Variants in DNAAF11 observed in about 807,000 individuals in gnomAD.
The protein encoded by DNAAF11 is leucine rich repeat containing 6.
A neutral mutation model predicts 60.8 loss-of-function variants in DNAAF11; 45 were observed. That is an observed-to-expected ratio of 0.74 (90% CI 0.58 to 0.95). DNAAF11 has a LOEUF of 0.95. Ranked by LOEUF, DNAAF11 falls within the 40% of genes least tolerant of loss-of-function variation. The pLI, the probability that DNAAF11 is intolerant of heterozygous loss-of-function variation, is 0.00. For synonymous variants in DNAAF11, 191 were observed against 183.5 expected, an observed-to-expected ratio of 1.04 and a Z score of -0.33; for missense variants, 546 against 546.2, an observed-to-expected ratio of 1.00 and a Z score of 0.00.
At chr8:132,687,513 C>T in the DNAAF11 span, 2 of 427,986 alleles carry the variant, frequency 4.7e-6, no homozygotes, top group Non-Finnish European at 9.4e-6. Flanking sequence ...TGCCTCATCT[C>T]ATCGCTTCAG....
At chr8:132,692,671 C>T in the DNAAF11 span, among the ~76,000 whole-genome samples, 7 of 152,192 alleles carry the variant, frequency 4.6e-5, no homozygotes, top group Admixed American at 4.6e-4. Flanking sequence ...AACCCTTGAA[C>T]CACTTCTTCA....
At chr8:132,633,621 T>C (rs535824016) in intron 4 of DNAAF11, among the ~76,000 whole-genome samples, 13 of 152,288 alleles carry the variant, frequency 8.5e-5, no homozygotes, top group African/African-American at 2.9e-4. Flanking sequence ...AGAATGTCCA[T>C]GTTCTAATCT....
At chr8:132,630,924 GAT>G (rs996688959) in intron 5 of DNAAF11, among the ~76,000 whole-genome samples, 3 of 151,980 alleles carry the variant, frequency 2.0e-5, no homozygotes, top group Non-Finnish European at 2.9e-5. Flanking sequence ...GTATATTGTT[GAT>G]ATATGAGTAT....
intron 1 of DNAAF11, among the ~76,000 whole-genome samples, chr8:132,665,258 T>C (rs1401563468): frequency 6.6e-6 from 1 of 151,944 alleles, no homozygotes; most frequent in Non-Finnish European, 1.5e-5. Flanking sequence ...AAGAAATGTG[T>C]AAAGATATCT....
chr8:132,603,826 A>G (rs1345509006), intron 10 of DNAAF11, among the ~76,000 whole-genome samples: 1 of 152,084 alleles, frequency 6.6e-6, no homozygotes, highest in African/African-American at 2.4e-5. Context: ...ACATTCAAAG[A>G]AAAAGTATAG....
At chr8:132,682,411 T>A in the DNAAF11 span, among the ~76,000 whole-genome samples, 1 of 152,148 alleles carries the variant, frequency 6.6e-6, no homozygotes, top group African/African-American at 2.4e-5. Context: ...ATTTCATCCA[T>A]CAGCTTAATA....
chr8:132,668,400 C>T (rs1351220031), intron 1 of DNAAF11, among the ~76,000 whole-genome samples: 2 of 151,866 alleles, frequency 1.3e-5, no homozygotes, highest in African/African-American at 4.8e-5. Context: ...ATCGGTGCTA[C>T]TGAGAAAAAG....
intron 3 of DNAAF11, 140 bp from the exon 4 acceptor site, chr8:132,638,247 G>T: frequency 1.6e-6 from 1 of 622,700 alleles, no homozygotes; most frequent in African/African-American, 1.8e-5. Context: ...ACCATGAAGT[G>T]ATTCTTCAGA....
chr8:132,659,932 C>T (rs112475618), intron 2 of DNAAF11, among the ~76,000 whole-genome samples: 322 of 152,246 alleles, frequency 2.1e-3, no homozygotes, highest in African/African-American at 7.3e-3. Context: ...CATACACATG[C>T]GACAACCAAA....
At chr8:132,578,245 T>A (rs1457927736) in intron 11 of DNAAF11, among the ~76,000 whole-genome samples, 1 of 152,200 alleles carries the variant, frequency 6.6e-6, no homozygotes, top group Non-Finnish European at 1.5e-5. Context: ...TACATTGTTA[T>A]CTGTGGCACA....
At chr8:132,677,589 T>TA (rs1416772514), upstream of DNAAF11, among the ~76,000 whole-genome samples, 3 of 151,902 alleles carry the variant, frequency 2.0e-5, no homozygotes, top group Non-Finnish European at 4.4e-5. Flanking sequence ...ACTGTTGACT[T>TA]AAAAAAAGAA....
intron 1 of DNAAF11, among the ~76,000 whole-genome samples, chr8:132,667,536 C>T (rs1381684171): frequency 1.3e-5 from 2 of 152,060 alleles, no homozygotes; most frequent in African/African-American, 4.8e-5. Flanking sequence ...TGCCAAGGCA[C>T]AATATAAAAC....
At chr8:132,671,013 C>A (rs1027762686) in intron 1 of DNAAF11, among the ~76,000 whole-genome samples, 2 of 152,220 alleles carry the variant, frequency 1.3e-5, no homozygotes, top group African/African-American at 2.4e-5. Flanking sequence ...CAGAGAAAGA[C>A]TCTTCCCGTA....
chr8:132,585,586 G>C (rs1815806679), intron 10 of DNAAF11, among the ~76,000 whole-genome samples: 1 of 152,192 alleles, frequency 6.6e-6, no homozygotes, highest in Non-Finnish European at 1.5e-5. Flanking sequence ...ACCAAGGCTA[G>C]AAGGGTTTGT....
chr8:132,633,529 T>C (rs1393310710), intron 4 of DNAAF11, among the ~76,000 whole-genome samples: 1 of 152,224 alleles, frequency 6.6e-6, no homozygotes, highest in African/African-American at 2.4e-5. Context: ...AGTTTAAAGA[T>C]ACCTATTTAT....
intron 11 of DNAAF11, 110 bp downstream of exon 11, chr8:132,583,584 C>T (rs1295976277): frequency 1.2e-6 from 1 of 810,490 alleles, no homozygotes; most frequent in African/African-American, 1.7e-5. Flanking sequence ...TGGTATGAAT[C>T]ATCTCAGAAC....
At chr8:132,595,583 A>C (rs1816925261) in intron 10 of DNAAF11, among the ~76,000 whole-genome samples, 1 of 152,020 alleles carries the variant, frequency 6.6e-6, no homozygotes, top group Admixed American at 6.6e-5. Context: ...TACTTCTTTA[A>C]AAAAAATAAA....
chr8:132,637,951 G>C lies in DNAAF11; in HGVS notation c.413C>G (p.Thr138Ser). The C allele has an allele frequency of 6.2e-7, 1 of 1,608,588 alleles. No individual in the cohort carries two copies. ...FDHYREFVVA[T>S]LPQLKWLDGK... is the part of the protein sequence containing the mutation. ...GAACCATACCTTTAATTGTGGAAGA[G>C]TTGCTACCACGAACTCCCTATAGTG... Residue 138 changes from threonine to serine, a missense_variant, in exon 4 of 12, where the codon ACT (threonine) becomes AGT (serine). Transcript: ENST00000620350.
intron 3 of DNAAF11, among the ~76,000 whole-genome samples, chr8:132,644,037 A>C (rs1178951666): frequency 6.6e-6 from 1 of 152,180 alleles, no homozygotes; most frequent in Non-Finnish European, 1.5e-5. Context: ...TAATTATATA[A>C]ATGAAAAGGG....
Sources: allele counts gnomAD v4.1 joint callset (sites outside exome capture counted in the v4.1 genomes callset), GRCh38; gene constraint gnomAD v4.1.1; transcripts MANE v1.5; gene names NCBI Gene and HGNC (gene_info 2026-07-23, HGNC 2026-07-21).